Variants in CDH12 observed in about 807,000 individuals in gnomAD.
CDH12 encodes cadherin 12.
CDH12 carries 41 observed loss-of-function variants against 74.1 expected under a neutral mutation model. The observed-to-expected ratio is 0.55, with a 90% confidence interval of 0.43 to 0.72. The LOEUF (loss-of-function observed/expected upper bound fraction) is 0.72, where lower values mean the gene tolerates loss of function less well. Among genes scored for constraint, CDH12 ranks in the 30% least tolerant of loss-of-function variants. The probability of loss-of-function intolerance (pLI) is 0.00; values close to 1 mark genes in which losing one functional copy is unlikely to be tolerated. For missense variants in CDH12, 945 were observed against 977.2 expected (o/e 0.97, Z 0.44); for synonymous variants, 399 against 355.0 (o/e 1.12, Z -1.39).
At chr5:22,672,318 T>C (rs375751028) in intron 1 of CDH12, among the ~76,000 whole-genome samples, 2 of 151,540 alleles carry the variant, frequency 1.3e-5, no homozygotes. Context: ...AATGTAGGGC[T>C]TTGGTTTGAA....
intron 1 of CDH12, among the ~76,000 whole-genome samples, chr5:22,811,465 G>T (rs1347066831): frequency 6.6e-6 from 1 of 152,038 alleles, no homozygotes; most frequent in Non-Finnish European, 1.5e-5. Context: ...TACCACCCTT[G>T]TTTTCCTACA....
intron 8 of CDH12, among the ~76,000 whole-genome samples, chr5:21,820,182 G>T (rs1748288445): frequency 6.6e-6 from 1 of 151,886 alleles, no homozygotes; most frequent in African/African-American, 2.4e-5. Flanking sequence ...ACAATAATAT[G>T]CTGAGATACG....
chr5:21,926,581 T>C (rs1185704665), intron 6 of CDH12, among the ~76,000 whole-genome samples: 1 of 152,208 alleles, frequency 6.6e-6, no homozygotes, highest in African/African-American at 2.4e-5. Flanking sequence ...GAATAAACTC[T>C]TGAGAACAGG....
intron 11 of CDH12, among the ~76,000 whole-genome samples, chr5:21,780,918 TGGGA>T (rs1745872428): frequency 6.6e-6 from 1 of 152,106 alleles, no homozygotes; most frequent in Non-Finnish European, 1.5e-5. Context: ...GAATGTGGTA[TGGGA>T]GGGGAGATAG....
At chr5:22,442,324 G>C (rs1359594388) in intron 2 of CDH12, among the ~76,000 whole-genome samples, 1 of 152,042 alleles carries the variant, frequency 6.6e-6, no homozygotes, top group Admixed American at 6.6e-5. Flanking sequence ...GCTACTAAGT[G>C]GCAGAGTCAA....
At chr5:21,758,993 G>C (rs1156982557) in intron 13 of CDH12, among the ~76,000 whole-genome samples, 1 of 151,816 alleles carries the variant, frequency 6.6e-6, no homozygotes, top group South Asian at 2.1e-4. Context: ...GGAGACAAAG[G>C]GTTAAAAAAA....
At chr5:21,985,934 A>G (rs1757498517) in intron 5 of CDH12, among the ~76,000 whole-genome samples, 1 of 152,138 alleles carries the variant, frequency 6.6e-6, no homozygotes, top group Non-Finnish European at 1.5e-5. Flanking sequence ...ATGCCCAAGA[A>G]TATTTAACAT....
At chr5:22,673,848 A>G (rs1741027048) in intron 1 of CDH12, among the ~76,000 whole-genome samples, 1 of 152,220 alleles carries the variant, frequency 6.6e-6, no homozygotes, top group African/African-American at 2.4e-5. Flanking sequence ...AAAAAGGTCA[A>G]TTACATTTTA....
chr5:21,844,634 A>G (rs746548562), intron 7 of CDH12, among the ~76,000 whole-genome samples: 21 of 152,134 alleles, frequency 1.4e-4, no homozygotes, highest in Non-Finnish European at 2.4e-4. Context: ...AATTTTTATG[A>G]ATCACTGGAA....
chr5:22,852,066 C>T (rs1472950204), intron 1 of CDH12, among the ~76,000 whole-genome samples: 1 of 152,112 alleles, frequency 6.6e-6, no homozygotes, highest in African/African-American at 2.4e-5. Flanking sequence ...AGAATCTACT[C>T]TATTTGAATT....
chr5:21,900,906 A>C (rs1753355954), intron 6 of CDH12, among the ~76,000 whole-genome samples: 1 of 152,208 alleles, frequency 6.6e-6, no homozygotes, highest in African/African-American at 2.4e-5. Context: ...AGTGAGCATC[A>C]CAGCCCACAT....
At position 21,952,942 on chromosome 5, in the gene CDH12, A is replaced by G. The variant is rs148056474; in HGVS notation, c.526+22149T>C. 9.3e-3 allele frequency among the ~76,000 whole-genome samples: 1,408 copies of G among 152,196 alleles called. 19 individuals are homozygous for G. Among genetic ancestry groups the G allele is most frequent in the African/African-American group, 0.032 (1,345 of 41,508 alleles). ...ATATAAAAATATTTTGCCCTAAAAT[A>G]TATTTCTTTGATGTGTTTTGAAATG... On this transcript the variant is annotated intron_variant, in intron 6 of 14. Coordinates refer to ENST00000382254, the MANE Select transcript of CDH12 (RefSeq NM_004061.5).
intron 5 of CDH12, among the ~76,000 whole-genome samples, chr5:22,030,905 C>A (rs114911500): frequency 6.6e-6 from 1 of 152,146 alleles, no homozygotes; most frequent in Non-Finnish European, 1.5e-5. Flanking sequence ...TATGTGATGG[C>A]GATTACTTAC....
intron 6 of CDH12, among the ~76,000 whole-genome samples, chr5:21,865,145 A>T (rs1286329465): frequency 6.6e-6 from 1 of 152,194 alleles, no homozygotes; most frequent in Non-Finnish European, 1.5e-5. Context: ...ATGACCTAAG[A>T]TACTCAGCAG....
At chr5:22,071,093 C>G (rs946659040) in intron 5 of CDH12, among the ~76,000 whole-genome samples, 1 of 151,886 alleles carries the variant, frequency 6.6e-6, no homozygotes, top group Non-Finnish European at 1.5e-5. Flanking sequence ...CCTATGTTAA[C>G]AAACATGCAG....
intron 3 of CDH12, chr5:22,213,412 G>T (rs1751658430): frequency 6.6e-6 from 1 of 151,706 alleles, no homozygotes; most frequent in African/African-American, 2.4e-5. Context: ...GAGTAATGTA[G>T]GAGAATACAG....
chr5:22,512,753 A>T lies in CDH12; in HGVS notation c.-522-7389T>A, dbSNP rs182849598. Among the ~76,000 whole-genome samples, 398 of 152,326 alleles carry T rather than the reference A, an allele frequency of 2.6e-3. 3 individuals are homozygous for T. Among genetic ancestry groups the T allele is most frequent in the Non-Finnish European group, 1.5e-3 (103 of 68,032 alleles). On this transcript the variant is annotated intron_variant, in intron 1 of 14. Transcript: ENST00000382254. ...CAGAGAAATTGCTGCTAAATGTGTG[A>T]GATGTTACTAACATCAAAAATAATC... is the stretch of plus-strand genomic sequence containing the variant.
intron 3 of CDH12, among the ~76,000 whole-genome samples, chr5:22,397,564 G>C (rs1168023064): frequency 6.6e-6 from 1 of 151,264 alleles, no homozygotes; most frequent in Non-Finnish European, 1.5e-5. Flanking sequence ...TGACATTACA[G>C]ACTAGAATTT....
intron 3 of CDH12, among the ~76,000 whole-genome samples, chr5:22,295,282 A>G (rs1203299120): frequency 6.6e-6 from 1 of 152,132 alleles, no homozygotes; most frequent in East Asian, 1.9e-4. Flanking sequence ...AAACCATGAT[A>G]ATAGAATTCA....
Sources: gnomAD v4.1 joint callset for allele counts (sites outside exome capture counted in the v4.1 genomes callset) on GRCh38, gnomAD v4.1.1 for gene constraint, MANE v1.5 for transcripts, NCBI Gene and HGNC (gene_info 2026-07-23, HGNC 2026-07-21) for gene names.